Variants in ADCY8 observed in about 807,000 individuals in gnomAD.
The protein encoded by ADCY8 is adenylate cyclase 8, also known as adenylate cyclase type 8.
A neutral mutation model predicts 119.7 loss-of-function variants in ADCY8; 51 were observed. That is an observed-to-expected ratio of 0.43 (90% confidence interval 0.34 to 0.54). The LOEUF (loss-of-function observed/expected upper bound fraction) is 0.54, where lower values mean the gene tolerates loss of function less well. Among genes scored for constraint, ADCY8 ranks in the 20% least tolerant of loss-of-function variants. ADCY8 has a pLI of 0.03. For synonymous variants in ADCY8, 665 were observed against 651.0 expected, an observed-to-expected ratio of 1.02 and a Z score of -0.33; for missense variants, 1,383 against 1,598.8, an observed-to-expected ratio of 0.87 and a Z score of 2.30.
intron 1 of ADCY8, among the ~76,000 whole-genome samples, chr8:131,036,374 G>A (rs1586674434): frequency 6.6e-6 from 1 of 152,158 alleles, no homozygotes. Flanking sequence ...ATGTGTATGT[G>A]TGTGTGTGTA....
chr8:131,027,595 A>T (rs779853965), intron 1 of ADCY8, among the ~76,000 whole-genome samples: 3 of 152,166 alleles, frequency 2.0e-5, no homozygotes, highest in Non-Finnish European at 4.4e-5. Flanking sequence ...AACCATCAGA[A>T]TTTCATGTAG....
intron 1 of ADCY8, among the ~76,000 whole-genome samples, chr8:131,005,100 C>T (rs987160348): frequency 3.3e-5 from 5 of 152,268 alleles, no homozygotes; most frequent in Middle Eastern, 3.4e-3. Flanking sequence ...AGTCTCTTCA[C>T]ATGCAAAAGA....
chr8:130,887,045 T>C (rs1424503107), intron 7 of ADCY8, among the ~76,000 whole-genome samples: 1 of 152,062 alleles, frequency 6.6e-6, no homozygotes, highest in African/African-American at 2.4e-5. Flanking sequence ...TTACATTGAA[T>C]ACATTTAATT....
chr8:130,858,713 C>T (rs1381966878), intron 9 of ADCY8, among the ~76,000 whole-genome samples: 2 of 152,122 alleles, frequency 1.3e-5, no homozygotes, highest in Non-Finnish European at 2.9e-5. Context: ...AATATGTAGA[C>T]TTTCTCTGCA....
At chr8:130,823,840 A>G (rs1940388128) in intron 12 of ADCY8, among the ~76,000 whole-genome samples, 2 of 152,222 alleles carry the variant, frequency 1.3e-5, no homozygotes, top group Non-Finnish European at 2.9e-5. Context: ...ACAAAAAAGT[A>G]TGTTTACAAA....
At chr8:130,782,956 A>T (rs952007356) in intron 17 of ADCY8, among the ~76,000 whole-genome samples, 6 of 152,170 alleles carry the variant, frequency 3.9e-5, no homozygotes, top group Non-Finnish European at 8.8e-5. Flanking sequence ...CAGAGTTAGG[A>T]AATGCTGGAG....
intron 2 of ADCY8, among the ~76,000 whole-genome samples, chr8:130,955,214 C>T (rs1821390996): frequency 6.6e-6 from 1 of 152,156 alleles, no homozygotes; most frequent in Admixed American, 6.5e-5. Flanking sequence ...GAAGCAACTA[C>T]TGTGGGCCAG....
chr8:130,895,289 C>T (rs922261513), intron 7 of ADCY8, among the ~76,000 whole-genome samples: 1 of 152,078 alleles, frequency 6.6e-6, no homozygotes, highest in Non-Finnish European at 1.5e-5. Context: ...GAGTCCAATT[C>T]GTTTGTGTAG....
intron 1 of ADCY8, among the ~76,000 whole-genome samples, chr8:130,992,477 C>T (rs7815264): frequency 0.47 from 65,489 of 140,154 alleles, 15,327 homozygotes; most frequent in East Asian, 0.8. Context: ...TGCAGTAGCA[C>T]AATCTTGGCT....
chr8:130,880,963 A>G (rs1818749166), intron 8 of ADCY8, among the ~76,000 whole-genome samples: 1 of 152,190 alleles, frequency 6.6e-6, no homozygotes, highest in Non-Finnish European at 1.5e-5. Context: ...AGAAGGAAAG[A>G]TATGTTCGCT....
chr8:130,818,207 A>G (rs900185040), intron 13 of ADCY8, among the ~76,000 whole-genome samples: 5 of 152,142 alleles, frequency 3.3e-5, no homozygotes, highest in African/African-American at 1.2e-4. Context: ...AATTGCTAGG[A>G]CTCAAGCAAG....
intron 5 of ADCY8, among the ~76,000 whole-genome samples, chr8:130,918,201 AATTCTGGAGGCTGGG>A (rs1351847107): frequency 6.6e-6 from 1 of 152,200 alleles, no homozygotes; most frequent in East Asian, 1.9e-4. Flanking sequence ...TATTTCTCAC[AATTCTGGAGGCTGGG>A]AAGTCTGAGA....
In ADCY8 at chr8:130,809,306, C is replaced by T. The variant is rs533705676; in HGVS notation, c.2913+4763G>A. On this transcript the variant is annotated intron_variant, in intron 14 of 17. Coordinates refer to ENST00000286355, the MANE Select transcript of ADCY8 (RefSeq NM_001115.3). ...TGACCATGGGTAAATTTCTTTCCTT[C>T]CCTGAGCCTCAGTTTCTTCATCTAG... Among the ~76,000 whole-genome samples the T allele has an allele frequency of 5.9e-5, 9 of 152,290 alleles. No homozygotes were observed. In the East Asian group the frequency reaches 1.2e-3, roughly 20 times the overall value.
intron 1 of ADCY8, among the ~76,000 whole-genome samples, chr8:131,009,682 C>T (rs1823238723): frequency 6.6e-6 from 1 of 152,214 alleles, no homozygotes; most frequent in African/African-American, 2.4e-5. Flanking sequence ...ACTAACTATA[C>T]TATGCTGTAA....
chr8:130,865,281 T>A (rs1244608414), intron 9 of ADCY8, among the ~76,000 whole-genome samples: 1 of 152,106 alleles, frequency 6.6e-6, no homozygotes, highest in Non-Finnish European at 1.5e-5. Flanking sequence ...CTTAAGTAAT[T>A]TTTGCTGCGT....
At chr8:130,954,814 C>T (rs1821376829) in intron 2 of ADCY8, among the ~76,000 whole-genome samples, 1 of 152,294 alleles carries the variant, frequency 6.6e-6, no homozygotes, top group South Asian at 2.1e-4. Context: ...GTATTCTAAT[C>T]ACTTCTTATC....
chr8:130,836,173 A>G, intron 12 of ADCY8, 104 bp downstream of exon 12: 3 of 1,274,680 alleles, frequency 2.4e-6, no homozygotes, highest in East Asian at 2.4e-5. Flanking sequence ...TCAATATCCA[A>G]TCAGGCCTTA....
chr8:131,023,032 A>T (rs1319057275), intron 1 of ADCY8, among the ~76,000 whole-genome samples: 2 of 152,206 alleles, frequency 1.3e-5, no homozygotes, highest in Non-Finnish European at 1.5e-5. Flanking sequence ...ACTTGGCCAC[A>T]CACAATCGGA....
At chr8:130,940,533 A>AAT (rs1420958327) in intron 4 of ADCY8, among the ~76,000 whole-genome samples, 2 of 151,964 alleles carry the variant, frequency 1.3e-5, no homozygotes, top group East Asian at 1.9e-4. Flanking sequence ...AAATGTATGT[A>AAT]ATATATATAA....
Sources: gnomAD v4.1 joint callset for allele counts (sites outside exome capture counted in the v4.1 genomes callset) on GRCh38, gnomAD v4.1.1 for gene constraint, MANE v1.5 for transcripts, NCBI Gene and HGNC (gene_info 2026-07-23, HGNC 2026-07-21) for gene names.